Variants in MTMR1 observed in about 807,000 individuals in gnomAD.
MTMR1 encodes myotubularin related protein 1, also known as phosphatidylinositol-3-phosphate phosphatase MTMR1.
In MTMR1, 17 loss-of-function variants were observed where a neutral mutation model predicts 51.6. The ratio of observed to expected loss-of-function variants is 0.33; its 90% CI spans 0.23 to 0.49. The LOEUF is 0.49. Among genes scored for constraint, MTMR1 ranks in the 20% least tolerant of loss-of-function variants. MTMR1 has a pLI of 0.99. For synonymous variants in MTMR1, 201 were observed against 205.6 expected, an observed-to-expected ratio of 0.98 and a Z score of 0.19; for missense variants, 386 against 526.9, an observed-to-expected ratio of 0.73 and a Z score of 2.62.
intron 2 of MTMR1, among the ~76,000 whole-genome samples, chrX:150,699,986 T>C (rs1557415884): frequency 8.9e-6 from 1 of 112,604 alleles, no homozygotes; most frequent in Admixed American, 9.4e-5. Context: ...AGACTAACTT[T>C]GTTTTAATGT....
At chrX:150,710,871 A>G (rs782574879) in intron 2 of MTMR1, among the ~76,000 whole-genome samples, 7 of 112,208 alleles carry the variant, frequency 6.2e-5, no homozygotes, top group South Asian at 3.7e-4. Flanking sequence ...ATCTTTTAAA[A>G]TGGGAGGTTA....
intron 13 of MTMR1, among the ~76,000 whole-genome samples, chrX:150,749,591 C>T (rs1302275372): frequency 1.8e-5 from 2 of 111,919 alleles, no homozygotes; most frequent in Admixed American, 9.5e-5. Flanking sequence ...TGGCTAGAAC[C>T]TGCTGGCAAT....
chrX:150,729,218 C>A (rs868918888), intron 6 of MTMR1, among the ~76,000 whole-genome samples: 4 of 100,128 alleles, frequency 4.0e-5, no homozygotes, highest in African/African-American at 7.2e-5. Flanking sequence ...ACACACCCAC[C>A]CACACACACA....
intron 3 of MTMR1, chrX:150,712,909 T>C: frequency 4.4e-6 from 4 of 912,331 alleles, no homozygotes; most frequent in Non-Finnish European, 5.6e-6. Context: ...TTACAGCTTA[T>C]ATTTTCCTCA....
chrX:150,762,807 G>C lies in MTMR1; in HGVS notation c.*78G>C. 2.9e-6 allele frequency: 3 copies of C among 1,035,660 alleles called. No individual in the cohort carries two copies. Among genetic ancestry groups the C allele is most frequent in the Non-Finnish European group, 3.8e-6 (3 of 787,292 alleles). 85.4% of individuals were successfully genotyped at this position (1,035,660 alleles called of 1,213,427 possible). A position where few individuals can be genotyped will look rare whatever the true frequency, so the allele number is the denominator to read the frequency against. On this transcript the variant is annotated 3_prime_UTR_variant, in exon 16 of 16. Coordinates refer to ENST00000445323, the MANE Select transcript of MTMR1 (RefSeq NM_001306144.3). The stretch of plus-strand genomic sequence containing the variant: ...CCTGGCGATCACTGTTATGGCTGTA[G>C]CTTGTGATCTTGTCTTTTAGGATTA...
In MTMR1 at chrX:150,698,676, G is replaced by GCACACACACA. The variant is rs1170788477; in HGVS notation, c.147-518_147-517insACACACACAC. On this transcript the variant is annotated intron_variant, in intron 1 of 15. Coordinates refer to ENST00000445323, the MANE Select transcript of MTMR1 (RefSeq NM_001306144.3). ...ACATGGCAAAACCCTGTCTACACGC[G>GCACACACACA]CGCGCACACACACACACACACACAC... Among the ~76,000 whole-genome samples the GCACACACACA allele has an allele frequency of 2.5e-3, 134 of 53,076 alleles. 2 individuals carry two copies. Among genetic ancestry groups the GCACACACACA allele is most frequent in the Middle Eastern group, 0.01 (1 of 99 alleles). 46.1% of individuals were successfully genotyped at this position (53,076 alleles called of 115,157 possible).
intron 2 of MTMR1, among the ~76,000 whole-genome samples, chrX:150,702,076 T>A (rs1569565626): frequency 9.7e-6 from 1 of 102,778 alleles, no homozygotes; most frequent in Non-Finnish European, 2.0e-5. Flanking sequence ...TTTTTCTTCT[T>A]CTTCTTTCTT....
At chrX:150,741,730 C>T (rs1312227712) in intron 12 of MTMR1, among the ~76,000 whole-genome samples, 1 of 112,698 alleles carries the variant, frequency 8.9e-6, no homozygotes, top group African/African-American at 3.2e-5. Flanking sequence ...TGATGCCTTG[C>T]ACACGCCATA....
rs782050472 is a variant in MTMR1, at chrX:150,720,479, G to C, written c.352+1779G>C. On this transcript the variant is annotated intron_variant, in intron 4 of 15. Coordinates refer to ENST00000445323, the MANE Select transcript of MTMR1 (RefSeq NM_001306144.3). Reference sequence around the variant, plus strand: ...TAACAGTCATTCTTTTTTATTGCTGGATAGAATTCCATTATATGGCTACAT... The same window carrying C: ...TAACAGTCATTCTTTTTTATTGCTGCATAGAATTCCATTATATGGCTACAT... Among the ~76,000 whole-genome samples, 4 of 111,908 alleles carry C rather than the reference G, an allele frequency of 3.6e-5. No homozygotes were observed. The South Asian group carries it at 1.5e-3, about 42-fold the overall frequency.
chrX:150,764,195 C>CTTA lies in MTMR1; in HGVS notation c.*1472_*1474dup, dbSNP rs782276367. The CTTA allele has an allele frequency of 1.8e-5, 2 of 112,677 alleles. No homozygotes were observed. Among genetic ancestry groups the CTTA allele is most frequent in the African/African-American group, 3.2e-5 (1 of 31,004 alleles). The allele number at this position is 112,677 out of a possible 1,213,427, so 9.3% of individuals were successfully genotyped here. A position where few individuals can be genotyped will look rare whatever the true frequency, so the allele number is the denominator to read the frequency against. The stretch of plus-strand genomic sequence containing the variant: ...TCCAGGCAAAGGCCTACAGATTGAC[C>CTTA]TTATTATTTTTGAAAATATGTTAAG... On this transcript the variant is annotated 3_prime_UTR_variant, in exon 16 of 16. Transcript: ENST00000445323.
intron 2 of MTMR1, among the ~76,000 whole-genome samples, chrX:150,706,648 A>C (rs1464439488): frequency 8.9e-6 from 1 of 112,314 alleles, no homozygotes; most frequent in African/African-American, 3.2e-5. Flanking sequence ...AGTGTTGTTC[A>C]TGTATTTGGA....
chrX:150,698,678 GCGCACACACA>G (rs1239087143), intron 1 of MTMR1, among the ~76,000 whole-genome samples: 11,777 of 70,709 alleles, frequency 0.17, 618 homozygotes, highest in African/African-American at 0.24. Context: ...CTACACGCGC[GCGCACACACA>G]CACACACACA....
In MTMR1 at chrX:150,744,371, A is replaced by G; in HGVS notation, c.1484A>G (p.His495Arg). 1 of 1,210,369 alleles carries G rather than the reference A, an allele frequency of 8.3e-7. No individual in the cohort carries two copies. The highest frequency in any genetic ancestry group is 3.0e-5 in the East Asian group (1 of 33,851). Residue 495 changes from histidine to arginine, a missense_variant, in exon 13 of 16, where the codon CAT (histidine) becomes CGT (arginine). Coordinates refer to ENST00000445323, the MANE Select transcript of MTMR1 (RefSeq NM_001306144.3). Reference protein sequence around the residue: ...FGHRFALRVGHGNDNHADADR... With the variant: ...FGHRFALRVGRGNDNHADADR... ...TCTGTTTCTGTTCAGCGAGTGGGCC[A>G]TGGTAATGACAACCATGCGGATGCT... is the stretch of plus-strand genomic sequence containing the variant.
rs5925423 is a variant in MTMR1, at chrX:150,763,299, C to T, written c.*570C>T. On this transcript the variant is annotated 3_prime_UTR_variant, in exon 16 of 16. Transcript: ENST00000445323. ...CTTTTTTACGTTTAGAATAGTCACC[C>T]GAGGGGGGATCAGCTCAACTGTACT... The T allele has an allele frequency of 0.21, 24,091 of 112,529 alleles. 2,182 individuals are homozygous for T. Among genetic ancestry groups the T allele is most frequent in the South Asian group, 0.3 (832 of 2,760 alleles). The allele number at this position is 112,529 out of a possible 1,213,427, so 9.3% of individuals were successfully genotyped here.
intron 15 of MTMR1, among the ~76,000 whole-genome samples, chrX:150,757,374 C>G (rs1557417799): frequency 8.9e-6 from 1 of 112,802 alleles, no homozygotes; most frequent in Non-Finnish European, 1.9e-5. Context: ...CATCACTTGC[C>G]TCTTCTTTCC....
intron 10 of MTMR1, chrX:150,735,452 G>A (rs934252227): frequency 2.0e-6 from 1 of 498,554 alleles, no homozygotes; most frequent in African/African-American, 2.3e-5. Context: ...TTCTTGTGAT[G>A]TCTTTGTCTA....
At position 150,737,529 on chromosome X, in the gene MTMR1, C is replaced by T. The variant is rs142919361; in HGVS notation, c.1473+81C>T. The T allele has an allele frequency of 1.4e-3, 1,155 of 802,289 alleles. 6 individuals carry two copies. In the African/African-American group the frequency reaches 0.021, roughly 14 times the overall value. 66.1% of individuals were successfully genotyped at this position (802,289 alleles called of 1,213,427 possible). A position where few individuals can be genotyped will look rare whatever the true frequency, so the allele number is the denominator to read the frequency against. ...AAACGTCATGTGTGACACACGTAAG[C>T]GCATATATACACACACACGTGCAGG... On this transcript the variant is annotated intron_variant, in intron 12 of 15. Coordinates refer to ENST00000445323, the MANE Select transcript of MTMR1 (RefSeq NM_001306144.3).
At chrX:150,699,940 CA>C (rs1185870497) in intron 2 of MTMR1, among the ~76,000 whole-genome samples, 1 of 112,204 alleles carries the variant, frequency 8.9e-6, no homozygotes, top group Non-Finnish European at 1.9e-5. Context: ...ATTAACAAAT[CA>C]AAAAAATCGC....
intron 15 of MTMR1, among the ~76,000 whole-genome samples, chrX:150,759,849 C>T (rs2242557): frequency 0.39 from 42,296 of 108,073 alleles, 7,098 homozygotes; most frequent in Middle Eastern, 0.57. Context: ...AATTCCACGA[C>T]GTAGAGAATG....
Sources: gnomAD v4.1 joint callset for allele counts (sites outside exome capture counted in the v4.1 genomes callset) on GRCh38, gnomAD v4.1.1 for gene constraint, MANE v1.5 for transcripts, NCBI Gene and HGNC (gene_info 2026-07-23, HGNC 2026-07-21) for gene names.